The following PRH1 variants were observed in gnomAD, a reference collection of about 807,000 sequenced individuals.
The protein encoded by PRH1 is salivary acidic proline-rich phosphoprotein 1/2.
In PRH1, 7 loss-of-function variants were observed where a neutral mutation model predicts 7.9. That is an observed-to-expected ratio of 0.89 (90% CI 0.50 to 1.67). The LOEUF is 1.67. Ranked by LOEUF, PRH1 falls within the 40% of genes most tolerant of loss-of-function variation. PRH1 has a pLI of 0.00. For synonymous variants in PRH1, 45 were observed against 80.8 expected (o/e 0.56, Z 2.38); for missense variants, 109 against 223.6 (o/e 0.49, Z 3.27).
At chr12:10,922,769 T>C (rs987470221) in intron 2 of PRH1, among the ~76,000 whole-genome samples, 10 of 151,702 alleles carry the variant, frequency 6.6e-5, no homozygotes, top group African/African-American at 2.4e-4. Flanking sequence ...ATTTACGTAA[T>C]GCATTGTTAG....
chr12:11,002,265 G>T (rs1418420374), intron 1 of PRH1, among the ~76,000 whole-genome samples: 1 of 152,066 alleles, frequency 6.6e-6, no homozygotes, highest in Non-Finnish European at 1.5e-5. Flanking sequence ...AAGGGGCCAT[G>T]CTCTTCTATA....
chr12:10,896,739 G>A (rs1254842356), intron 2 of PRH1: 5 of 138,434 alleles, frequency 3.6e-5, no homozygotes, highest in Non-Finnish European at 6.1e-5. Context: ...TCCAGCCTGG[G>A]TGACAGAGTG....
chr12:10,920,089 T>C (rs1950025711), intron 2 of PRH1, among the ~76,000 whole-genome samples: 2 of 152,022 alleles, frequency 1.3e-5, no homozygotes, highest in South Asian at 2.1e-4. Context: ...AGACAAGGTC[T>C]CACTGTGTTG....
At chr12:10,886,637 C>T (rs1347124170), upstream of PRH1, among the ~76,000 whole-genome samples, 3 of 152,152 alleles carry the variant, frequency 2.0e-5, no homozygotes, top group Non-Finnish European at 4.4e-5. Context: ...CCCTCAGCAC[C>T]ACACTTGCCT....
chr12:11,109,728 A>G (rs1443679745), intron 1 of PRH1, among the ~76,000 whole-genome samples: 1 of 152,182 alleles, frequency 6.6e-6, no homozygotes. Flanking sequence ...CCAGGGCAAA[A>G]AAGGCTGAAA....
chr12:10,945,750 G>A (rs1176431217), intron 2 of PRH1, among the ~76,000 whole-genome samples: 1 of 152,108 alleles, frequency 6.6e-6, no homozygotes. Flanking sequence ...GGAGTGCTAC[G>A]GGAGACCAGA....
chr12:11,160,659 C>T (rs753390720), intron 1 of PRH1, among the ~76,000 whole-genome samples: 7 of 151,968 alleles, frequency 4.6e-5, no homozygotes, highest in African/African-American at 7.3e-5. Context: ...TCAGTAGAGA[C>T]GGGGTTTCAC....
intron 2 of PRH1, among the ~76,000 whole-genome samples, chr12:10,925,726 A>T (rs1950114153): frequency 1.3e-5 from 2 of 152,224 alleles, no homozygotes; most frequent in Admixed American, 1.3e-4. Context: ...TAACCTTGAT[A>T]ATCTCCTAAT....
intron 1 of PRH1, among the ~76,000 whole-genome samples, chr12:11,028,924 T>C (rs186751973): frequency 9.2e-5 from 14 of 152,398 alleles, no homozygotes; most frequent in Non-Finnish European, 1.9e-4. Context: ...CTGCAGATTT[T>C]GTGTGAGTTT....
downstream of PRH1, among the ~76,000 whole-genome samples, chr12:11,119,681 A>T (rs1308169504): frequency 1.3e-5 from 2 of 152,224 alleles, no homozygotes; most frequent in Non-Finnish European, 2.9e-5. Flanking sequence ...ATGTTTTCAA[A>T]CAAACTGAAT....
At chr12:10,923,572 G>T (rs1860945812) in intron 2 of PRH1, among the ~76,000 whole-genome samples, 1 of 152,228 alleles carries the variant, frequency 6.6e-6, no homozygotes, top group African/African-American at 2.4e-5. Context: ...TATGCATGTG[G>T]AAGAGCATCT....
chr12:10,896,469 T>C (rs1403782850), intron 2 of PRH1, among the ~76,000 whole-genome samples: 1 of 152,056 alleles, frequency 6.6e-6, no homozygotes, highest in Non-Finnish European at 1.5e-5. Flanking sequence ...TTAGAGAGTA[T>C]GGAAGTTTTT....
At chr12:10,964,484 G>T (rs1591737068) in intron 2 of PRH1, 1 of 253,468 alleles carries the variant, frequency 3.9e-6, no homozygotes, top group Non-Finnish European at 8.4e-6. Flanking sequence ...CAAAAGAAAG[G>T]TCTGTTTCAG....
At chr12:11,115,946 G>C (rs577616663), downstream of PRH1, among the ~76,000 whole-genome samples, 4 of 151,796 alleles carry the variant, frequency 2.6e-5, no homozygotes, top group African/African-American at 9.6e-5. Flanking sequence ...CAGAAAAGAA[G>C]AAAAACTTGA....
At chr12:11,169,571 G>C (rs562679136) in intron 1 of PRH1, among the ~76,000 whole-genome samples, 128 of 152,328 alleles carry the variant, frequency 8.4e-4, no homozygotes, top group African/African-American at 3.0e-3. Flanking sequence ...TGGCACAAAA[G>C]AGGAATAGAA....
At chr12:10,931,498 T>C (rs564302910) in intron 2 of PRH1, among the ~76,000 whole-genome samples, 2 of 152,350 alleles carry the variant, frequency 1.3e-5, no homozygotes, top group South Asian at 4.1e-4. Context: ...GACTTTTAGC[T>C]GTTAAATGGT....
chr12:11,140,759 A>G (rs1422062996), intron 1 of PRH1, among the ~76,000 whole-genome samples: 1 of 152,022 alleles, frequency 6.6e-6, no homozygotes, highest in Non-Finnish European at 1.5e-5. Flanking sequence ...ACCTCTCCAT[A>G]ATTTGTTTTC....
intron 2 of PRH1, among the ~76,000 whole-genome samples, chr12:10,924,139 C>T (rs1201019983): frequency 6.6e-6 from 1 of 151,934 alleles, no homozygotes; most frequent in African/African-American, 2.4e-5. Context: ...AGGCGCCTGC[C>T]ACCACGCCCA....
chr12:11,125,047 T>C (rs1946064191), intron 1 of PRH1, among the ~76,000 whole-genome samples: 1 of 152,152 alleles, frequency 6.6e-6, no homozygotes, highest in African/African-American at 2.4e-5. Flanking sequence ...TTCACTATAT[T>C]GGCCAGGCCA....
Sources: allele counts gnomAD v4.1 joint callset (sites outside exome capture counted in the v4.1 genomes callset), GRCh38; gene constraint gnomAD v4.1.1; transcripts MANE v1.5; gene names NCBI Gene and HGNC (gene_info 2026-07-23, HGNC 2026-07-21).